The following C3 variants were observed in gnomAD, a reference collection of about 807,000 sequenced individuals.
C3 encodes the protein C3 and PZP-like alpha-2-macroglobulin domain-containing protein 1.
A neutral mutation model predicts 207.9 loss-of-function variants in C3; 97 were observed. That is an observed-to-expected ratio of 0.47 (90% confidence interval 0.40 to 0.55). The LOEUF (loss-of-function observed/expected upper bound fraction) is 0.55. Among genes scored for constraint, C3 ranks in the 20% least tolerant of loss-of-function variants. The probability of loss-of-function intolerance (pLI) is 0.00; values close to 1 mark genes in which losing one functional copy is unlikely to be tolerated. For missense variants in C3, 1,684 were observed against 2,171.7 expected, an observed-to-expected ratio of 0.78 and a Z score of 4.46; for synonymous variants, 848 against 857.6, an observed-to-expected ratio of 0.99 and a Z score of 0.20.
At chr19:6,695,609 G>A (rs957834025) in intron 23 of C3, among the ~76,000 whole-genome samples, 5 of 151,888 alleles carry the variant, frequency 3.3e-5, no homozygotes, top group African/African-American at 1.2e-4. Context: ...CCTCCCGAGT[G>A]GCTGGGATTA....
intron 11 of C3, 136 bp downstream of exon 11, chr19:6,712,121 C>A: frequency 9.0e-7 from 1 of 1,113,462 alleles, no homozygotes; most frequent in Non-Finnish European, 1.3e-6. Flanking sequence ...AATGGCAGGA[C>A]CCCTCTGCGC....
chr19:6,693,720 TG>T (rs1918227518), intron 24 of C3, among the ~76,000 whole-genome samples: 1 of 13,154 alleles, frequency 7.6e-5, no homozygotes, highest in African/African-American at 3.2e-4. Context: ...ATATTGAGGG[TG>T]GGGGGCTTTC....
At position 6,684,842 on chromosome 19, in the gene C3, G is replaced by A. The variant is rs11569540; in HGVS notation, c.3970-8C>T. On this transcript the variant is annotated splice_polypyrimidine_tract_variant and splice_region_variant and intron_variant, in intron 30 of 40. Coordinates refer to ENST00000245907, the MANE Select transcript of C3 (RefSeq NM_000064.4). ...ACCCTCATTTTCCTTGGTCTGCAGA[G>A]TGAAAAGAGAGAAGAGAGCATGTTG... is the stretch of plus-strand genomic sequence containing the variant. The A allele has an allele frequency of 8.2e-4, 1,326 of 1,614,080 alleles. 17 individuals carry two copies. The African/African-American group carries it at 0.016, about 19-fold the overall frequency.
intron 1 of C3, 103 bp downstream of exon 1, chr19:6,720,413 A>C: frequency 1.2e-6 from 1 of 842,834 alleles, no homozygotes; most frequent in East Asian, 2.7e-5. Context: ...CTGAATCCAC[A>C]AACACCCAAA....
At chr19:6,701,016 G>T (rs551624499) in intron 19 of C3, among the ~76,000 whole-genome samples, 3 of 151,866 alleles carry the variant, frequency 2.0e-5, no homozygotes, top group Non-Finnish European at 4.4e-5. Context: ...GCAGATAGGC[G>T]GAAATGAGCA....
At chr19:6,715,559 T>A (rs1479300850) in intron 4 of C3, among the ~76,000 whole-genome samples, 2 of 151,994 alleles carry the variant, frequency 1.3e-5, no homozygotes, top group African/African-American at 4.8e-5. Context: ...GCAAGTGGCA[T>A]ATCTGAAGGC....
chr19:6,711,083 T>C lies in C3; in HGVS notation c.1383A>G (p.Leu461=). 3 of 1,614,072 alleles carry C rather than the reference T, an allele frequency of 1.9e-6. No homozygotes were observed. The highest frequency in any genetic ancestry group is 8.5e-7 in the Non-Finnish European group (1 of 1,179,964). The part of the protein sequence containing the change: ...NSNNYLHLSV[L]RTELRPGETL... ...TCTCCCCGGGTCTGAGCTCTGTACG[T>C]AGCACTGAGAGATGCAGGTAATTGT... The change falls in exon 12 of 41, where the codon CTA becomes CTG. Residue 461 remains leucine, a synonymous_variant. Transcript: ENST00000245907.
At chr19:6,710,097 G>C (rs1246167793) in intron 13 of C3, among the ~76,000 whole-genome samples, 1 of 145,864 alleles carries the variant, frequency 6.9e-6, no homozygotes, top group Admixed American at 6.8e-5. Flanking sequence ...GAGACGGAGA[G>C]ACAGAGAGAG....
intron 23 of C3, 41 bp from the exon 24 acceptor site, chr19:6,694,675 G>A (rs768822260): frequency 1.5e-5 from 24 of 1,587,798 alleles, no homozygotes; most frequent in Non-Finnish European, 1.8e-5. Flanking sequence ...AGCCAGGTGG[G>A]TGACCCACCT....
chr19:6,689,363 CTCT>C (rs1285115343), intron 27 of C3, among the ~76,000 whole-genome samples: 2 of 125,558 alleles, frequency 1.6e-5, no homozygotes, highest in African/African-American at 6.8e-5. Flanking sequence ...CTCCCTCCCT[CTCT>C]CTCTCTCTCT....
intron 17 of C3, chr19:6,702,920 G>A: frequency 2.9e-6 from 1 of 340,558 alleles, no homozygotes; most frequent in East Asian, 7.6e-5. Flanking sequence ...TGTGATCCCA[G>A]CTACTGTGGA....
chr19:6,709,611 T>TCCCACCCCCCACCCCCCCCCCCCCCCCAA, intron 14 of C3, 73 bp downstream of exon 14: 1 of 1,109,450 alleles, frequency 9.0e-7, no homozygotes, highest in Non-Finnish European at 1.4e-6. Context: ...CCCTCTCCAG[T>TCCCACCCCCCACCCCCCCCCCCCCCCCAA]CCCACCCACC....
At chr19:6,705,775 A>G (rs1019219905) in intron 17 of C3, among the ~76,000 whole-genome samples, 2 of 152,044 alleles carry the variant, frequency 1.3e-5, no homozygotes, top group African/African-American at 4.8e-5. Flanking sequence ...ACCAGGTTCA[A>G]GCGATTCTCC....
At chr19:6,702,390 A>G in intron 18 of C3, 81 bp downstream of exon 18, 1 of 1,072,966 alleles carries the variant, frequency 9.3e-7, no homozygotes, top group South Asian at 1.2e-5. Context: ...GTGATTCCAG[A>G]GAAGACCAGA....
chr19:6,712,452 C>T, intron 10 of C3, 46 bp from the exon 11 acceptor site: 1 of 1,614,168 alleles, frequency 6.2e-7, no homozygotes, highest in South Asian at 1.1e-5. Flanking sequence ...AGGCTCAGGG[C>T]TGTGGCCGGT....
In C3 at chr19:6,682,046, G is replaced by T; in HGVS notation, c.4261-16C>A. On this transcript the variant is annotated splice_polypyrimidine_tract_variant and intron_variant, in intron 34 of 40. Coordinates refer to ENST00000245907, the MANE Select transcript of C3 (RefSeq NM_000064.4). ...CATTGGCCAGCTGGGGAAAGGTGGA[G>T]CCTGTGAAAAATCCCTCCTGGACCC... The T allele has an allele frequency of 6.2e-7, 1 of 1,612,270 alleles. No homozygotes were observed. Among genetic ancestry groups the T allele is most frequent in the Non-Finnish European group, 8.5e-7 (1 of 1,178,268 alleles).
chr19:6,687,121 G>A lies in C3; in HGVS notation c.3490-219C>T, dbSNP rs344546. Among the ~76,000 whole-genome samples, 68,684 of 151,908 alleles carry A rather than the reference G, an allele frequency of 0.45. 16,745 individuals are homozygous for A. Among genetic ancestry groups the A allele is most frequent in the East Asian group, 0.91 (4,708 of 5,166 alleles). On this transcript the variant is annotated intron_variant, in intron 27 of 40. Transcript: ENST00000245907. ...GTATCTGGAGAAATCCACGTACCCC[G>A]TGGTGTGCTGGTAAAAGTTTAACAG...
chr19:6,697,041 C>CAAAAAAAAAAAAAAAAAAA (rs200094017), intron 21 of C3, among the ~76,000 whole-genome samples: 42 of 71,112 alleles, frequency 5.9e-4, no homozygotes, highest in Admixed American at 7.1e-4. Context: ...GACTCTGTCT[C>CAAAAAAAAAAAAAAAAAAA]AAAAAAATAA....
intron 17 of C3, 73 bp from the exon 18 acceptor site, chr19:6,702,652 C>T (rs1003773530): frequency 9.6e-7 from 1 of 1,038,572 alleles, no homozygotes; most frequent in African/African-American, 1.6e-5. Context: ...AATCCCAGCA[C>T]TTAGGGAGGC....
Sources: allele counts gnomAD v4.1 joint callset (sites outside exome capture counted in the v4.1 genomes callset), GRCh38; gene constraint gnomAD v4.1.1; transcripts MANE v1.5; gene names NCBI Gene and HGNC (gene_info 2026-07-23, HGNC 2026-07-21).